FRMD4B: variants seen among roughly 807,000 people sequenced by gnomAD.
FRMD4B encodes FERM domain-containing protein 4B.
A neutral mutation model predicts 141.5 loss-of-function variants in FRMD4B; 74 were observed. That is an observed-to-expected ratio of 0.52 (90% CI 0.43 to 0.63). The LOEUF is 0.63. FRMD4B is among the 30% of genes least tolerant of loss of function. The probability of loss-of-function intolerance (pLI) is 0.00; values close to 1 mark genes in which losing one functional copy is unlikely to be tolerated. For missense variants in FRMD4B, 1,366 were observed against 1,253.4 expected (o/e 1.09, Z -1.36); for synonymous variants, 506 against 467.9 (o/e 1.08, Z -1.05).
chr3:69,489,738 C>A (rs952422485), intron 1 of FRMD4B, among the ~76,000 whole-genome samples: 7 of 152,168 alleles, frequency 4.6e-5, no homozygotes, highest in Non-Finnish European at 8.8e-5. Flanking sequence ...TAGGTATCCA[C>A]TGGAGAGAAA....
chr3:69,273,920 G>GA (rs545199910), intron 5 of FRMD4B, among the ~76,000 whole-genome samples: 31,579 of 136,526 alleles, frequency 0.23, 3,511 homozygotes, highest in Non-Finnish European at 0.27. Flanking sequence ...GGTAGACAAG[G>GA]AAAAAAAAAA....
intron 1 of FRMD4B, among the ~76,000 whole-genome samples, chr3:69,361,603 T>A (rs1469198146): frequency 1.3e-5 from 2 of 152,224 alleles, no homozygotes; most frequent in Non-Finnish European, 2.9e-5. Context: ...ATGGAGTATG[T>A]ATTTTTTAAT....
intron 7 of FRMD4B, among the ~76,000 whole-genome samples, chr3:69,232,364 T>C (rs780383271): frequency 6.6e-6 from 1 of 152,168 alleles, no homozygotes; most frequent in Non-Finnish European, 1.5e-5. Flanking sequence ...ATGAAGAACA[T>C]GCTTGCATTT....
At chr3:69,310,301 T>C (rs1431190723) in intron 3 of FRMD4B, 2 of 369,174 alleles carry the variant, frequency 5.4e-6, no homozygotes, top group Non-Finnish European at 1.1e-5. Context: ...TAACTCCTTC[T>C]TGAGATGATT....
At chr3:69,235,150 A>AAAT (rs55995422) in intron 7 of FRMD4B, among the ~76,000 whole-genome samples, 26,832 of 133,836 alleles carry the variant, frequency 0.2, 3,003 homozygotes, top group Non-Finnish European at 0.24. Flanking sequence ...ACCCTGTCTC[A>AAAT]AATAATAATA....
At chr3:69,328,377 C>T (rs1702253160) in intron 1 of FRMD4B, among the ~76,000 whole-genome samples, 2 of 152,188 alleles carry the variant, frequency 1.3e-5, no homozygotes, top group Non-Finnish European at 2.9e-5. Flanking sequence ...AGAGTATTTA[C>T]ACCACAGAAA....
At chr3:69,210,358 G>A (rs1282218403) in intron 11 of FRMD4B, among the ~76,000 whole-genome samples, 1 of 151,734 alleles carries the variant, frequency 6.6e-6, no homozygotes, top group Non-Finnish European at 1.5e-5. Flanking sequence ...TCTTTATGAA[G>A]AACAGACATT....
intron 7 of FRMD4B, among the ~76,000 whole-genome samples, chr3:69,228,867 C>T (rs1410499617): frequency 1.3e-5 from 2 of 151,366 alleles, no homozygotes; most frequent in African/African-American, 2.4e-5. Context: ...AGAGAAGATG[C>T]CTTCTCAGTT....
chr3:69,380,565 C>G (rs911609065), intron 1 of FRMD4B, among the ~76,000 whole-genome samples: 1 of 152,162 alleles, frequency 6.6e-6, no homozygotes, highest in Non-Finnish European at 1.5e-5. Context: ...TCTGTTCCCC[C>G]ACTCTTACCC....
chr3:69,524,083 C>T (rs984283063), intron 1 of FRMD4B, among the ~76,000 whole-genome samples: 1 of 152,230 alleles, frequency 6.6e-6, no homozygotes, highest in African/African-American at 2.4e-5. Flanking sequence ...ACCCCCCACC[C>T]TTCCAGAATA....
At chr3:69,496,984 C>T (rs370603506) in intron 1 of FRMD4B, among the ~76,000 whole-genome samples, 16 of 151,902 alleles carry the variant, frequency 1.1e-4, no homozygotes, top group African/African-American at 3.6e-4. Flanking sequence ...GCATTGCCTA[C>T]GCCGAGGAAG....
At position 69,187,454 on chromosome 3, in the gene FRMD4B, G is replaced by T. The variant is rs577409629; in HGVS notation, c.1919+316C>A. On this transcript the variant is annotated intron_variant, in intron 19 of 22. Transcript: ENST00000398540. Reference sequence around the variant, plus strand: ...CTCGGGAGGCTGAGGCAGGAGAATTGCTTGAACCCAGGAGGCGGACGTTGC... The same window carrying T: ...CTCGGGAGGCTGAGGCAGGAGAATTTCTTGAACCCAGGAGGCGGACGTTGC... Among the ~76,000 whole-genome samples the T allele has an allele frequency of 6.0e-5, 9 of 150,896 alleles. 1 individual carries two copies. In the South Asian group the frequency reaches 1.9e-3, roughly 32 times the overall value.
chr3:69,538,920 T>G (rs1330784594), intron 1 of FRMD4B, among the ~76,000 whole-genome samples: 4 of 152,190 alleles, frequency 2.6e-5, no homozygotes, highest in Non-Finnish European at 4.4e-5. Context: ...AAGGGAGAGA[T>G]ATGTAAGTAA....
At chr3:69,495,474 G>T (rs77554817) in intron 1 of FRMD4B, among the ~76,000 whole-genome samples, 1 of 152,118 alleles carries the variant, frequency 6.6e-6, no homozygotes, top group African/African-American at 2.4e-5. Context: ...TCTGCCCCTG[G>T]GCTGTGTCAC....
intron 1 of FRMD4B, among the ~76,000 whole-genome samples, chr3:69,321,545 A>G (rs886701256): frequency 6.6e-6 from 1 of 152,176 alleles, no homozygotes. Context: ...TGAGCCCTAC[A>G]GTGGTCCAAA....
intron 5 of FRMD4B, among the ~76,000 whole-genome samples, chr3:69,287,490 G>A (rs1171044151): frequency 1.3e-5 from 2 of 152,206 alleles, no homozygotes; most frequent in African/African-American, 2.4e-5. Context: ...GTCACTCTGT[G>A]TCGATTATTT....
At chr3:69,308,271 T>C (rs757502876) in intron 3 of FRMD4B, among the ~76,000 whole-genome samples, 26 of 152,148 alleles carry the variant, frequency 1.7e-4, no homozygotes, top group Non-Finnish European at 2.2e-4. Context: ...GGCACTGTTA[T>C]TATGTCCAGC....
chr3:69,210,076 T>C (rs992041399), intron 11 of FRMD4B, among the ~76,000 whole-genome samples: 1 of 150,812 alleles, frequency 6.6e-6, no homozygotes, highest in African/African-American at 2.4e-5. Flanking sequence ...CCAATATATA[T>C]AGAGACAGAA....
At chr3:69,431,451 C>T (rs963004995) in intron 2 of FRMD4B, among the ~76,000 whole-genome samples, 1 of 152,178 alleles carries the variant, frequency 6.6e-6, no homozygotes, top group Non-Finnish European at 1.5e-5. Context: ...TTATGCTCTT[C>T]CACATCTTTG....
Sources: allele counts gnomAD v4.1 joint callset (sites outside exome capture counted in the v4.1 genomes callset), GRCh38; gene constraint gnomAD v4.1.1; transcripts MANE v1.5; gene names NCBI Gene and HGNC (gene_info 2026-07-23, HGNC 2026-07-21).